RBPMS: variants seen among roughly 807,000 people sequenced by gnomAD.
RBPMS encodes the protein RNA binding protein, mRNA processing factor.
RBPMS carries 7 observed loss-of-function variants against 26.8 expected under a neutral mutation model. The observed-to-expected ratio is 0.26, with a 90% CI of 0.15 to 0.49. The LOEUF is 0.49. RBPMS is among the 20% of genes least tolerant of loss of function. RBPMS has a pLI of 0.98. For synonymous variants in RBPMS, 96 were observed against 93.3 expected (o/e 1.03, Z -0.17); for missense variants, 186 against 250.0 (o/e 0.74, Z 1.73).
rs1057005716 is a variant in RBPMS at position 30,384,853 on chromosome 8, C to T, written c.-240C>T. 2 of 333,534 alleles carry T rather than the reference C, an allele frequency of 6.0e-6. No individual in the cohort carries two copies. The highest frequency in any genetic ancestry group is 1.1e-5 in the Non-Finnish European group (2 of 185,878). The allele number at this position is 333,534 out of a possible 1,614,324, so 20.7% of individuals were successfully genotyped here. A position where few individuals can be genotyped will look rare whatever the true frequency, so the allele number is the denominator to read the frequency against. On this transcript the variant is annotated 5_prime_UTR_variant, in exon 1 of 9. Coordinates refer to ENST00000397323, the MANE Select transcript of RBPMS (RefSeq NM_001008710.3). This position sits in a 1 kb window ranked among gnomAD's most constrained non-coding sequence, Gnocchi z 5.6. ...CGGTGCCCCGCTCCCGGCCCGCGCC[C>T]TGCCCCGTCTCTCCCTTGCACTTCC...
chr8:30,411,808 C>T (rs1055556723), intron 1 of RBPMS, among the ~76,000 whole-genome samples: 2 of 151,728 alleles, frequency 1.3e-5, no homozygotes, highest in African/African-American at 2.4e-5. Flanking sequence ...CATGGTGAAA[C>T]CCTGTCTCTA....
At chr8:30,497,436 C>T (rs932421028) in intron 4 of RBPMS, among the ~76,000 whole-genome samples, 1 of 151,934 alleles carries the variant, frequency 6.6e-6, no homozygotes, top group African/African-American at 2.4e-5. Flanking sequence ...CCCAGCTACT[C>T]GGGAGGCTGA....
intron 8 of RBPMS, among the ~76,000 whole-genome samples, chr8:30,566,901 G>C (rs1460496369): frequency 6.6e-6 from 1 of 152,170 alleles, no homozygotes; most frequent in Non-Finnish European, 1.5e-5. Context: ...GGGCCTCTTA[G>C]TAGTTCATGG....
intron 5 of RBPMS, among the ~76,000 whole-genome samples, chr8:30,536,370 G>A (rs529915173): frequency 3.6e-4 from 55 of 152,122 alleles, no homozygotes; most frequent in African/African-American, 1.3e-3. Context: ...CAGGTGATCC[G>A]CCCGCCTCGG....
chr8:30,467,416 G>A (rs755450856), intron 1 of RBPMS, among the ~76,000 whole-genome samples: 7 of 152,176 alleles, frequency 4.6e-5, no homozygotes, highest in Non-Finnish European at 1.0e-4. Context: ...AGCTGTATGC[G>A]ATTTATGCTG....
chr8:30,563,643 G>C (rs1221625764), intron 7 of RBPMS, among the ~76,000 whole-genome samples: 4 of 152,160 alleles, frequency 2.6e-5, no homozygotes, highest in Non-Finnish European at 5.9e-5. Flanking sequence ...ACGGAATTTG[G>C]AGCTATTTTT....
chr8:30,549,226 A>G (rs1826096632), intron 6 of RBPMS, among the ~76,000 whole-genome samples: 1 of 152,200 alleles, frequency 6.6e-6, no homozygotes, highest in Admixed American at 6.5e-5. Flanking sequence ...AAAGTAAGGC[A>G]GGAGTCCGGA....
chr8:30,534,251 C>T (rs1042571914), intron 5 of RBPMS, among the ~76,000 whole-genome samples: 2 of 152,184 alleles, frequency 1.3e-5, no homozygotes, highest in Admixed American at 1.3e-4. Context: ...TTGTATCCCT[C>T]TACCTATAAG....
chr8:30,465,027 A>G (rs1362509846), intron 1 of RBPMS, among the ~76,000 whole-genome samples: 1 of 152,228 alleles, frequency 6.6e-6, no homozygotes, highest in Non-Finnish European at 1.5e-5. Context: ...AACATTTCAT[A>G]GGCTGACTAG....
chr8:30,568,199 C>T (rs1828027067), intron 8 of RBPMS, among the ~76,000 whole-genome samples: 1 of 152,236 alleles, frequency 6.6e-6, no homozygotes, highest in Admixed American at 6.5e-5. Flanking sequence ...ACCTTTGCCA[C>T]ATGATGGCCC....
intron 1 of RBPMS, among the ~76,000 whole-genome samples, chr8:30,428,658 C>A (rs7011660): frequency 0.2 from 30,631 of 151,900 alleles, 3,239 homozygotes; most frequent in Middle Eastern, 0.22. Flanking sequence ...TTACAGGGCT[C>A]CCAGAGAGGT....
chr8:30,531,070 T>C (rs934391423), intron 5 of RBPMS, among the ~76,000 whole-genome samples: 1 of 152,148 alleles, frequency 6.6e-6, no homozygotes, highest in African/African-American at 2.4e-5. Flanking sequence ...GTGGCTATAA[T>C]AGTGGACCAT....
intron 1 of RBPMS, among the ~76,000 whole-genome samples, chr8:30,413,283 C>T (rs987616172): frequency 1.3e-5 from 2 of 152,060 alleles, no homozygotes; most frequent in African/African-American, 2.4e-5. Context: ...TTTTGCCAGG[C>T]TGGTCTCAAA....
chr8:30,449,387 T>C (rs1814272015), intron 1 of RBPMS, among the ~76,000 whole-genome samples: 1 of 149,788 alleles, frequency 6.7e-6, no homozygotes, highest in African/African-American at 2.5e-5. Flanking sequence ...TTTTTTTTTT[T>C]TTTGAGACAG....
intron 1 of RBPMS, among the ~76,000 whole-genome samples, chr8:30,457,292 T>A (rs984969721): frequency 2.0e-5 from 3 of 152,192 alleles, no homozygotes; most frequent in African/African-American, 7.2e-5. Flanking sequence ...TTATTTGTGC[T>A]CTTTACAGAT....
At chr8:30,502,896 TAAAG>T (rs1254953346) in intron 4 of RBPMS, among the ~76,000 whole-genome samples, 1 of 152,198 alleles carries the variant, frequency 6.6e-6, no homozygotes, top group Non-Finnish European at 1.5e-5. Context: ...CAATATCAGT[TAAAG>T]AAAATGTTCT....
intron 1 of RBPMS, among the ~76,000 whole-genome samples, chr8:30,467,346 A>C (rs1191498340): frequency 6.6e-6 from 1 of 152,204 alleles, no homozygotes; most frequent in Non-Finnish European, 1.5e-5. Context: ...AAAGAAGTTA[A>C]CCAGTGTGTA....
At chr8:30,558,985 C>T (rs369218110) in intron 7 of RBPMS, 29 bp downstream of exon 7, 28 of 1,591,978 alleles carry the variant, frequency 1.8e-5, no homozygotes, top group South Asian at 3.3e-5. Context: ...TTGGAATGTG[C>T]GAAGCCCCTA....
At chr8:30,547,849 G>A (rs561926127) in intron 6 of RBPMS, among the ~76,000 whole-genome samples, 8 of 152,290 alleles carry the variant, frequency 5.3e-5, no homozygotes, top group African/African-American at 9.6e-5. Context: ...TCTGCCCACC[G>A]GGATCCACAG....
Sources: allele counts gnomAD v4.1 joint callset (sites outside exome capture counted in the v4.1 genomes callset), GRCh38; gene constraint gnomAD v4.1.1; non-coding constraint Gnocchi (gnomAD v3.1); transcripts MANE v1.5; gene names NCBI Gene and HGNC (gene_info 2026-07-23, HGNC 2026-07-21).